Variants in MATN2 observed in about 807,000 individuals in gnomAD.
MATN2 encodes matrilin-2.
A neutral mutation model predicts 103.2 loss-of-function variants in MATN2; 69 were observed. The ratio of observed to expected loss-of-function variants is 0.67; its 90% CI spans 0.55 to 0.82. MATN2 has a LOEUF of 0.82. Ranked by LOEUF, MATN2 falls within the 40% of genes least tolerant of loss-of-function variation. The pLI is 0.00. For synonymous variants in MATN2, 429 were observed against 450.2 expected (o/e 0.95, Z 0.60); for missense variants, 1,023 against 1,211.5 (o/e 0.84, Z 2.31).
At chr8:97,922,723 C>T (rs1809851947) in intron 2 of MATN2, among the ~76,000 whole-genome samples, 2 of 152,230 alleles carry the variant, frequency 1.3e-5, no homozygotes, top group African/African-American at 2.4e-5. Context: ...AGACAGTCAA[C>T]CATTCCCTCT....
chr8:98,003,524 A>G (rs1489812180), intron 7 of MATN2, 137 bp from the exon 8 acceptor site: 10 of 866,086 alleles, frequency 1.2e-5, no homozygotes, highest in Non-Finnish European at 1.8e-5. Context: ...AAACGAATGA[A>G]TGATCCGTCC....
At chr8:97,878,843 C>A (rs1818162259) in intron 1 of MATN2, among the ~76,000 whole-genome samples, 1 of 151,590 alleles carries the variant, frequency 6.6e-6, no homozygotes, top group Non-Finnish European at 1.5e-5. Flanking sequence ...AAGAGCGAAA[C>A]TCCATCTCAA....
At chr8:97,958,472 G>A (rs936915252) in intron 4 of MATN2, among the ~76,000 whole-genome samples, 1 of 152,192 alleles carries the variant, frequency 6.6e-6, no homozygotes, top group African/African-American at 2.4e-5. Context: ...AAACACATAC[G>A]TAGTTAACAT....
intron 3 of MATN2, among the ~76,000 whole-genome samples, chr8:97,932,709 G>A (rs540528697): frequency 3.9e-5 from 6 of 152,186 alleles, no homozygotes; most frequent in East Asian, 1.9e-4. Context: ...GGGGCCAGCC[G>A]CCCAATCCAG....
intron 5 of MATN2, among the ~76,000 whole-genome samples, chr8:97,971,983 C>T (rs1320752339): frequency 6.7e-6 from 1 of 150,278 alleles, no homozygotes; most frequent in Non-Finnish European, 1.5e-5. Context: ...ATCTCTTGAG[C>T]TCAGGAGTTC....
intron 2 of MATN2, among the ~76,000 whole-genome samples, chr8:97,920,934 T>C (rs1809786494): frequency 6.6e-6 from 1 of 152,186 alleles, no homozygotes; most frequent in Admixed American, 6.5e-5. Context: ...ATGCCAGGGC[T>C]GGGGACATGG....
intron 2 of MATN2, among the ~76,000 whole-genome samples, chr8:97,907,235 A>G (rs1255955131): frequency 6.6e-6 from 1 of 150,636 alleles, no homozygotes; most frequent in African/African-American, 2.4e-5. Context: ...TCCTGACCTT[A>G]GGTGATCTGC....
At chr8:97,963,357 G>A (rs76697483) in intron 5 of MATN2, among the ~76,000 whole-genome samples, 1 of 152,134 alleles carries the variant, frequency 6.6e-6, no homozygotes, top group Non-Finnish European at 1.5e-5. Context: ...AGGACAAGGG[G>A]AGGGACAGTA....
Position 97,888,099 on chromosome 8 carries a change from A to C in MATN2, c.-2A>C. 6.2e-7 allele frequency: 1 copy of C among 1,607,652 alleles called. No homozygotes were observed. On this transcript the variant is annotated 5_prime_UTR_variant, in exon 2 of 19. Transcript: ENST00000254898. ...GCCTTGCCCCTCTTGCTCGCCTTGA[A>C]AATGGAAAAGATGCTCGCAGGCTGC...
chr8:97,912,774 A>T (rs1308989945), intron 2 of MATN2, among the ~76,000 whole-genome samples: 1 of 152,128 alleles, frequency 6.6e-6, no homozygotes, highest in Non-Finnish European at 1.5e-5. Flanking sequence ...TGCCGACCTC[A>T]GTAGAGAGTG....
At chr8:97,889,489 A>ATATATATATATATATATATATATATATAT (rs1408329205) in intron 2 of MATN2, among the ~76,000 whole-genome samples, 4 of 143,760 alleles carry the variant, frequency 2.8e-5, no homozygotes, top group East Asian at 2.1e-4. Context: ...ATATATATAT[A>ATATATATATATATATATATATATATATAT]AAACTGATGA....
chr8:97,941,921 A>G (rs1810582887), intron 4 of MATN2, 22 bp downstream of exon 4: 1 of 1,610,438 alleles, frequency 6.2e-7, no homozygotes, highest in Non-Finnish European at 8.5e-7. Context: ...TTGCTGATGT[A>G]TTTGTGGTTT....
chr8:97,986,849 T>C (rs1376473538), intron 6 of MATN2, among the ~76,000 whole-genome samples: 2 of 152,206 alleles, frequency 1.3e-5, no homozygotes, highest in African/African-American at 4.8e-5. Flanking sequence ...TTATTTTTTT[T>C]TGAGACGGAG....
intron 5 of MATN2, among the ~76,000 whole-genome samples, chr8:97,967,440 TAA>T (rs879500651): frequency 4.2e-5 from 6 of 143,202 alleles, no homozygotes; most frequent in Non-Finnish European, 3.1e-5. Flanking sequence ...CTGTGAGATT[TAA>T]AAAAAAAAAA....
chr8:97,877,321 T>C (rs1158706550), intron 1 of MATN2, among the ~76,000 whole-genome samples: 1 of 151,670 alleles, frequency 6.6e-6, no homozygotes, highest in African/African-American at 2.4e-5. Flanking sequence ...CTACTAAAAA[T>C]ACAAAATTAG....
In MATN2 at chr8:97,980,558, C is replaced by CTTT. The variant is rs71570278; in HGVS notation, c.1081+1572_1081+1574dup. ...GCCTACTGCATAGCATTATTCTTTC[C>CTTT]TTTTTTTTTTTTTTTTTTTTTTTTG... On this transcript the variant is annotated intron_variant, in intron 6 of 18. Transcript: ENST00000254898. Among the ~76,000 whole-genome samples, 548 of 94,082 alleles carry CTTT rather than the reference C, an allele frequency of 5.8e-3. 20 individuals are homozygous for CTTT. Among genetic ancestry groups the CTTT allele is most frequent in the African/African-American group, 0.015 (337 of 21,846 alleles). 61.7% of individuals were successfully genotyped at this position (94,082 alleles called of 152,430 possible).
intron 3 of MATN2, among the ~76,000 whole-genome samples, chr8:97,939,247 T>C (rs771028350): frequency 1.7e-4 from 26 of 152,312 alleles, no homozygotes; most frequent in Non-Finnish European, 2.9e-5. Flanking sequence ...AACTCCTGAC[T>C]GAATGAAACT....
rs894647729 is a variant in MATN2, at chr8:98,007,856, G to GC, written c.1573+258dup. On this transcript the variant is annotated intron_variant, in intron 10 of 18. Coordinates refer to ENST00000254898, the MANE Select transcript of MATN2 (RefSeq NM_002380.5). This position sits in a 1 kb window ranked among gnomAD's most constrained non-coding sequence, Gnocchi z 4.2. Reference sequence around the variant, plus strand: ...CCCTGTCATTCTGAAGCTGGACAGAGCCCTTGTCCTCAGCTCTCTCTGCTC... The same window carrying GC: ...CCCTGTCATTCTGAAGCTGGACAGAGCCCCTTGTCCTCAGCTCTCTCTGCTC... 1.3e-5 allele frequency among the ~76,000 whole-genome samples: 2 copies of GC among 152,190 alleles called. No individual in the cohort carries two copies. Among genetic ancestry groups the GC allele is most frequent in the Non-Finnish European group, 2.9e-5 (2 of 68,048 alleles).
Position 98,036,283 on chromosome 8 carries a change from C to T in MATN2, c.*571C>T, listed in dbSNP as rs549730637. On this transcript the variant is annotated 3_prime_UTR_variant, in exon 19 of 19. Coordinates refer to ENST00000254898, the MANE Select transcript of MATN2 (RefSeq NM_002380.5). ...ATATGTATGTATGAGAAATGGCCAACATGCCTATGAAAAAAATGCTGAATC... is the reference window on the plus strand; with the variant it reads ...ATATGTATGTATGAGAAATGGCCAATATGCCTATGAAAAAAATGCTGAATC... The T allele has an allele frequency of 6.6e-6, 1 of 152,246 alleles. No individual in the cohort carries two copies. Among genetic ancestry groups the T allele is most frequent in the African/African-American group, 2.4e-5 (1 of 41,554 alleles). The allele number at this position is 152,246 out of a possible 1,614,324, so 9.4% of individuals were successfully genotyped here. A position where few individuals can be genotyped will look rare whatever the true frequency, so the allele number is the denominator to read the frequency against.
Sources: allele counts gnomAD v4.1 joint callset (sites outside exome capture counted in the v4.1 genomes callset), GRCh38; gene constraint gnomAD v4.1.1; non-coding constraint Gnocchi (gnomAD v3.1); transcripts MANE v1.5; gene names NCBI Gene and HGNC (gene_info 2026-07-23, HGNC 2026-07-21).